PCDH15: variants seen among roughly 807,000 people sequenced by gnomAD.
The protein encoded by PCDH15 is protocadherin related 15.
In PCDH15, 129 loss-of-function variants were observed where a neutral mutation model predicts 178.5. That is an observed-to-expected ratio of 0.72 (90% CI 0.63 to 0.84). PCDH15 has a LOEUF of 0.84. Among genes scored for constraint, PCDH15 ranks in the 40% least tolerant of loss-of-function variants. PCDH15 has a pLI of 0.00. For missense variants in PCDH15, 2,230 were observed against 2,099.9 expected (o/e 1.06, Z -1.21); for synonymous variants, 800 against 732.0 (o/e 1.09, Z -1.50).
Position 53,810,583 on chromosome 10 carries a change from T to G in PCDH15, c.4644A>C (p.Glu1548Asp), listed in dbSNP as rs200796871. ...CTTCCTCCTCATATTCTTCCTCAGCTTCACCAACCACCTCACCATATTCCT... is the reference window on the plus strand; with the variant it reads ...CTTCCTCCTCATATTCTTCCTCAGCGTCACCAACCACCTCACCATATTCCT... ...GQEEYGEVVG[E>D]AEEEYEEEEW... is the part of the protein sequence containing the mutation. The change falls in exon 37 of 38, where the codon GAA becomes GAC. Residue 1548 changes from glutamate (E) to aspartate (D), a missense_variant. Glu to Asp is a conservative substitution (Grantham distance 45). Transcript: ENST00000644397. 6.2e-7 allele frequency: 1 copy of G among 1,613,720 alleles called. No homozygotes were observed. Among genetic ancestry groups the G allele is most frequent in the African/African-American group, 1.3e-5 (1 of 74,924 alleles).
rs572600551 is a variant in PCDH15, at chr10:55,521,343, TC to T, written c.-156+106281del. 4.1e-3 allele frequency among the ~76,000 whole-genome samples: 619 copies of T among 152,058 alleles called. 2 individuals are homozygous for T. The highest frequency in any genetic ancestry group is 4.4e-3 in the Non-Finnish European group (301 of 67,926). On this transcript the variant is annotated intron_variant, in intron 2 of 5. Transcript: ENST00000613346. ...TATGCCCCATTAAACTCATCATAAA[TC>T]AAAAGTATTTTAAAGTCAGAAATGC...
intron 2 of PCDH15, among the ~76,000 whole-genome samples, chr10:54,561,980 CTT>C (rs575547228): frequency 6.6e-5 from 5 of 75,236 alleles, no homozygotes; most frequent in African/African-American, 2.0e-4. Context: ...CCGCACCCAG[CTT>C]TTTTTTTTTT....
intron 2 of PCDH15, among the ~76,000 whole-genome samples, chr10:55,432,401 G>A (rs575242660): frequency 1.4e-4 from 21 of 152,250 alleles, no homozygotes; most frequent in Non-Finnish European, 2.8e-4. Flanking sequence ...GGTTCTGAGT[G>A]GAGGATTGAT....
rs138378451 is a variant in PCDH15, at chr10:55,373,722, G to A, written c.-155-207071C>T. 4.0e-3 allele frequency among the ~76,000 whole-genome samples: 608 copies of A among 152,114 alleles called. 8 individuals carry two copies. The highest frequency in any genetic ancestry group is 0.014 in the African/African-American group (576 of 41,506). ...AGGCTTCAGACCCCCACCCAACTACGTAAGAATGAGCTTTGGTCCATGCCT... is the reference window on the plus strand; with the variant it reads ...AGGCTTCAGACCCCCACCCAACTACATAAGAATGAGCTTTGGTCCATGCCT... On this transcript the variant is annotated intron_variant, in intron 2 of 5. Coordinates refer to the PCDH15 transcript ENST00000613346.
At chr10:55,284,394 G>A (rs1015713900) in intron 1 of PCDH15, among the ~76,000 whole-genome samples, 2 of 151,986 alleles carry the variant, frequency 1.3e-5, no homozygotes, top group Admixed American at 1.3e-4. Context: ...CCATTCCCCA[G>A]TGTTTTCACA....
chr10:53,932,893 G>A (rs2085201194), intron 25 of PCDH15, among the ~76,000 whole-genome samples: 1 of 152,086 alleles, frequency 6.6e-6, no homozygotes, highest in South Asian at 2.1e-4. Flanking sequence ...GATCCCTCAT[G>A]GCTTGGTGTT....
At chr10:55,328,921 T>C (rs1844111454) in intron 2 of PCDH15, among the ~76,000 whole-genome samples, 1 of 64,092 alleles carries the variant, frequency 1.6e-5, no homozygotes, top group African/African-American at 4.7e-5. Context: ...AACATATATA[T>C]ATATATATAT....
intron 3 of PCDH15, among the ~76,000 whole-genome samples, chr10:54,833,685 T>TC (rs1218284451): frequency 6.6e-6 from 1 of 152,238 alleles, no homozygotes; most frequent in Non-Finnish European, 1.5e-5. Context: ...GCTCTTGCTC[T>TC]CCCCTGTTAG....
intron 3 of PCDH15, among the ~76,000 whole-genome samples, chr10:54,451,482 C>T (rs1469554749): frequency 2.6e-5 from 4 of 151,808 alleles, no homozygotes; most frequent in Admixed American, 6.6e-5. Context: ...TAAGCATCTG[C>T]GTTTTGGAAA....
intron 2 of PCDH15, among the ~76,000 whole-genome samples, chr10:55,035,330 A>G (rs192873684): frequency 6.6e-6 from 1 of 152,122 alleles, no homozygotes; most frequent in African/African-American, 2.4e-5. Context: ...TGTCCCAAAT[A>G]AAAACTTCCT....
intron 2 of PCDH15, chr10:55,506,213 T>C (rs930223931): frequency 2.6e-5 from 4 of 151,412 alleles, no homozygotes; most frequent in African/African-American, 9.7e-5. Context: ...CCTAGATAAC[T>C]AAGTAGATGG....
chr10:53,806,807 A>G lies in PCDH15; in HGVS notation c.4995T>C (p.Asn1665=). ...CAAATGTAACCAGAGTTGGTCTTGC[A>G]TTCATTTTTTCAGTAGAAAATGGCC... is the stretch of plus-strand genomic sequence containing the variant. ...SKGPFSTEKM[N]ARPTLVTFAP... is the part of the protein sequence containing the mutation. The change falls in exon 38 of 38, where the codon AAT becomes AAC. Residue 1665 remains asparagine, a synonymous_variant. Coordinates refer to ENST00000644397, the MANE Select transcript of PCDH15 (RefSeq NM_001384140.1). 1.2e-6 allele frequency: 2 copies of G among 1,613,822 alleles called. No homozygotes were observed.
chr10:54,087,784 A>G lies in PCDH15; in HGVS notation c.1997+2200T>C, dbSNP rs150564950. Among the ~76,000 whole-genome samples, 777 of 152,254 alleles carry G rather than the reference A, an allele frequency of 5.1e-3. 7 individuals are homozygous for G. Among genetic ancestry groups the G allele is most frequent in the Non-Finnish European group, 4.4e-3 (300 of 68,018 alleles). ...CAAATCTCCTGTCAAATTGTCACCA[A>G]TGTAGGAGATAGGACCTGCTGGAAG... On this transcript the variant is annotated intron_variant, in intron 16 of 37. Transcript: ENST00000644397.
intron 3 of PCDH15, among the ~76,000 whole-genome samples, chr10:54,823,377 A>G (rs925605896): frequency 7.9e-5 from 12 of 152,148 alleles, no homozygotes; most frequent in Non-Finnish European, 4.4e-5. Context: ...TAACATTACC[A>G]TTATTATTCT....
chr10:54,425,118 G>T (rs11004296), intron 3 of PCDH15, among the ~76,000 whole-genome samples: 71,116 of 151,664 alleles, frequency 0.47, 17,428 homozygotes, highest in Non-Finnish European at 0.52. Context: ...AATTAGAAAG[G>T]TTCAACTTTC....
chr10:53,827,605 A>G, intron 31 of PCDH15, 57 bp from the exon 32 acceptor site: 1 of 1,594,732 alleles, frequency 6.3e-7, no homozygotes, highest in Non-Finnish European at 8.6e-7. Context: ...AATGCTTATC[A>G]ATAAGCCACC....
intron 1 of PCDH15, among the ~76,000 whole-genome samples, chr10:55,298,552 C>A (rs1355223187): frequency 2.0e-5 from 3 of 152,038 alleles, no homozygotes; most frequent in Non-Finnish European, 4.4e-5. Context: ...TACTTGAATA[C>A]CTTATAGAAT....
At chr10:55,157,808 G>T in intron 2 of PCDH15, among the ~76,000 whole-genome samples, 1 of 151,838 alleles carries the variant, frequency 6.6e-6, no homozygotes, top group Non-Finnish European at 1.5e-5. Flanking sequence ...CCTGCTGTGG[G>T]GTGGGGGAAG....
chr10:54,573,439 C>A (rs185348743), intron 2 of PCDH15, among the ~76,000 whole-genome samples: 2 of 152,096 alleles, frequency 1.3e-5, no homozygotes, highest in South Asian at 4.1e-4. Flanking sequence ...CAATTTGGTG[C>A]TAATGAAAAT....
Sources: allele counts gnomAD v4.1 joint callset (sites outside exome capture counted in the v4.1 genomes callset), GRCh38; gene constraint gnomAD v4.1.1; transcripts MANE v1.5; gene names NCBI Gene and HGNC (gene_info 2026-07-23, HGNC 2026-07-21).